The following DPYSL2 variants were observed in gnomAD, a reference collection of about 807,000 sequenced individuals.
DPYSL2 encodes dihydropyrimidinase like 2.
Under a neutral mutation model 69.9 loss-of-function variants are expected in DPYSL2, and 13 were observed. The ratio of observed to expected loss-of-function variants is 0.19; its 90% CI spans 0.12 to 0.30. The LOEUF (loss-of-function observed/expected upper bound fraction) is 0.30, where lower values mean the gene tolerates loss of function less well. Ranked by LOEUF, DPYSL2 falls within the 10% of genes least tolerant of loss-of-function variation. DPYSL2 has a pLI of 1.00. For synonymous variants in DPYSL2, 326 were observed against 359.1 expected (o/e 0.91, Z 1.04); for missense variants, 587 against 918.9 (o/e 0.64, Z 4.67).
In DPYSL2 at chr8:26,598,150, C is replaced by G. The variant is rs1372423690; in HGVS notation, c.628+14167C>G. Among the ~76,000 whole-genome samples the G allele has an allele frequency of 2.6e-5, 4 of 152,188 alleles. No homozygotes were observed. The East Asian group carries it at 7.7e-4, about 29-fold the overall frequency. ...AAATTACATGTATGGGGGAGTAGCC[C>G]CTTCACCCCAGTTTTGCTCCTGACC... On this transcript the variant is annotated intron_variant, in intron 3 of 13. Coordinates refer to ENST00000521913, the MANE Select transcript of DPYSL2 (RefSeq NM_001197293.3). This position sits in a 1 kb window ranked among gnomAD's most constrained non-coding sequence, Gnocchi z 4.2.
rs1801878422 is a variant in DPYSL2, at chr8:26,597,098, C to T, written c.628+13115C>T. Among the ~76,000 whole-genome samples, 1 of 152,228 alleles carries T rather than the reference C, an allele frequency of 6.6e-6. No homozygotes were observed. The highest frequency in any genetic ancestry group is 2.1e-4 in the South Asian group (1 of 4,830). On this transcript the variant is annotated intron_variant, in intron 3 of 13. Coordinates refer to ENST00000521913, the MANE Select transcript of DPYSL2 (RefSeq NM_001197293.3). This position sits in a 1 kb window ranked among gnomAD's most constrained non-coding sequence, Gnocchi z 5.2. ...CTCCTACTAAGTGGGAGGCTGCACC[C>T]AGCATGGAAGATGCTCACCAAGACG...
At chr8:26,546,688 G>A (rs1177774624) in intron 1 of DPYSL2, among the ~76,000 whole-genome samples, 1 of 150,670 alleles carries the variant, frequency 6.6e-6, no homozygotes, top group Non-Finnish European at 1.5e-5. Flanking sequence ...GGGAGGCCGA[G>A]ACGGGTGGAT....
chr8:26,552,494 A>T (rs1349000220), intron 1 of DPYSL2, among the ~76,000 whole-genome samples: 1 of 152,256 alleles, frequency 6.6e-6, no homozygotes, highest in Non-Finnish European at 1.5e-5. Flanking sequence ...CAGTCCATTT[A>T]CTGTTGCTAT....
At position 26,626,597 on chromosome 8, in the gene DPYSL2, C is replaced by G; in HGVS notation, c.794-20C>G. ...TGGTTTATCTATTAAAAGTCCACTTCTCTATTTTGTCCGCACTAGGGGTAA... is the reference window on the plus strand; with the variant it reads ...TGGTTTATCTATTAAAAGTCCACTTGTCTATTTTGTCCGCACTAGGGGTAA... On this transcript the variant is annotated intron_variant, in intron 4 of 13. Transcript: ENST00000521913. This position sits in a 1 kb window ranked among gnomAD's most constrained non-coding sequence, Gnocchi z 4.3. The G allele has an allele frequency of 6.2e-7, 1 of 1,613,054 alleles. No individual in the cohort carries two copies. Among genetic ancestry groups the G allele is most frequent in the Non-Finnish European group, 8.5e-7 (1 of 1,179,352 alleles).
At chr8:26,531,878 C>T (rs143135794) in intron 1 of DPYSL2, among the ~76,000 whole-genome samples, 265 of 149,722 alleles carry the variant, frequency 1.8e-3, no homozygotes, top group African/African-American at 6.0e-3. Context: ...GGCTTGATGG[C>T]GGGTGAGTGG....
intron 3 of DPYSL2, among the ~76,000 whole-genome samples, chr8:26,613,520 G>A (rs1375735442): frequency 2.0e-5 from 3 of 152,242 alleles, no homozygotes; most frequent in Non-Finnish European, 4.4e-5. Flanking sequence ...AGGCCCGCCT[G>A]CTTCAGCTGC....
intron 8 of DPYSL2, among the ~76,000 whole-genome samples, chr8:26,635,247 C>G (rs1239014579): frequency 1.3e-5 from 2 of 152,226 alleles, no homozygotes; most frequent in East Asian, 3.8e-4. Context: ...CCCCAGAATC[C>G]TTGGTCACAT....
Position 26,561,463 on chromosome 8 carries a change from G to C in DPYSL2, c.355-20506G>C, listed in dbSNP as rs1400115205. Among the ~76,000 whole-genome samples, 6 of 151,936 alleles carry C rather than the reference G, an allele frequency of 3.9e-5. No homozygotes were observed. The East Asian group carries it at 1.2e-3, about 29-fold the overall frequency. On this transcript the variant is annotated intron_variant, in intron 1 of 13. Transcript: ENST00000521913. ...CTTGAGTGCCTTATTATTTCCACTT[G>C]GATATCTTAAAGGCATCTCAAATTA... is the stretch of plus-strand genomic sequence containing the variant.
At position 26,643,518 on chromosome 8, in the gene DPYSL2, G is replaced by A. The variant is rs752754362; in HGVS notation, c.1206G>A (p.Lys402=). 3.7e-6 allele frequency: 6 copies of A among 1,613,828 alleles called. No homozygotes were observed. Among genetic ancestry groups the A allele is most frequent in the Non-Finnish European group, 5.1e-6 (6 of 1,179,862 alleles). ...ATTACTGGAGCAAGAACTGGGCCAA[G>A]GCTGCTGCCTTTGTCACCTCCCCAC... ...GSHYWSKNWA[K]AAAFVTSPPL... is the part of the protein sequence containing the mutation. Residue 402 remains lysine, a synonymous_variant, in exon 9 of 14, where the codon AAG becomes AAA. Transcript: ENST00000521913. The surrounding 1 kb of genome is among the most constrained non-coding windows in gnomAD (Gnocchi z 6.5).
intron 1 of DPYSL2, among the ~76,000 whole-genome samples, chr8:26,527,322 A>G (rs1808495865): frequency 6.6e-6 from 1 of 152,130 alleles, no homozygotes; most frequent in African/African-American, 2.4e-5. Context: ...ATATCTTCCT[A>G]CCCTTCATTG....
In DPYSL2 at chr8:26,581,994, G is replaced by C; in HGVS notation, c.380G>C (p.Gly127Ala). Residue 127 changes from glycine to alanine, a missense_variant, in exon 2 of 14, where the codon GGT becomes GCT. This residue lies in a region of DPYSL2 where 452 missense variants were observed against 754.3 expected (regional missense o/e 0.60). Transcript: ENST00000521913. The stretch of plus-strand genomic sequence containing the variant: ...AGCGATCGTCTTCTGATCAAAGGAG[G>C]TAAAATTGTTAATGATGACCAGTCG... The part of the protein sequence containing the change: ...DQSDRLLIKG[G>A]KIVNDDQSFY... 1 of 1,614,002 alleles carries C rather than the reference G, an allele frequency of 6.2e-7. No homozygotes were observed. Among genetic ancestry groups the C allele is most frequent in the Non-Finnish European group, 8.5e-7 (1 of 1,180,000 alleles).
chr8:26,552,872 G>C (rs146303727), intron 1 of DPYSL2, among the ~76,000 whole-genome samples: 1 of 152,112 alleles, frequency 6.6e-6, no homozygotes, highest in African/African-American at 2.4e-5. Context: ...CATGTGAGAA[G>C]GGACAAACAT....
chr8:26,548,225 A>T, intron 1 of DPYSL2: 1 of 226,106 alleles, frequency 4.4e-6, no homozygotes, highest in South Asian at 7.6e-5. Context: ...GCCTCCAAGG[A>T]AATTCATGTA....
rs916777082 is a variant in DPYSL2 at position 26,587,185 on chromosome 8, C to T, written c.628+3202C>T. On this transcript the variant is annotated intron_variant, in intron 3 of 13. Coordinates refer to ENST00000521913, the MANE Select transcript of DPYSL2 (RefSeq NM_001197293.3). This position sits in a 1 kb window ranked among gnomAD's most constrained non-coding sequence, Gnocchi z 4.2. ...AAGGAGGCCTTGCAAAGAGAAATAGCTTAATGCCACTTCATTGGCACCTAA... is the reference window on the plus strand; with the variant it reads ...AAGGAGGCCTTGCAAAGAGAAATAGTTTAATGCCACTTCATTGGCACCTAA... Among the ~76,000 whole-genome samples the T allele has an allele frequency of 2.0e-5, 3 of 152,164 alleles. No homozygotes were observed. Among genetic ancestry groups the T allele is most frequent in the Middle Eastern group, 3.2e-3 (1 of 316 alleles).
intron 3 of DPYSL2, 129 bp downstream of exon 3, chr8:26,584,112 G>A (rs1801545959): frequency 1.2e-6 from 1 of 851,552 alleles, no homozygotes; most frequent in South Asian, 1.8e-5. Flanking sequence ...AAATAAGGGG[G>A]TGAGGATGTG....
chr8:26,578,266 G>T (rs1474857182), intron 1 of DPYSL2: 1 of 1,614,146 alleles, frequency 6.2e-7, no homozygotes, highest in African/African-American at 1.3e-5. Context: ...TGTCTTATCA[G>T]GGGAAGAAAA....
chr8:26,639,724 C>T (rs1032044177), intron 8 of DPYSL2, among the ~76,000 whole-genome samples: 2 of 152,156 alleles, frequency 1.3e-5, no homozygotes, highest in African/African-American at 4.8e-5. Flanking sequence ...ACACACCCAC[C>T]TAGAACCTTG....
chr8:26,575,402 G>A (rs1563392334), intron 1 of DPYSL2, among the ~76,000 whole-genome samples: 2 of 151,818 alleles, frequency 1.3e-5, no homozygotes, highest in South Asian at 2.1e-4. Flanking sequence ...GATTCTCCTC[G>A]GCCCTTTTTT....
rs374452731 is a variant in DPYSL2, at chr8:26,598,878, C to G, written c.628+14895C>G. On this transcript the variant is annotated intron_variant, in intron 3 of 13. Transcript: ENST00000521913. This position sits in a 1 kb window ranked among gnomAD's most constrained non-coding sequence, Gnocchi z 4.2. ...AAAGGGATGTGGCACTCGGGCAGGA[C>G]GGGGGCTGCTTCTGTGCCTTTTCCC... Among the ~76,000 whole-genome samples, 9 of 152,148 alleles carry G rather than the reference C, an allele frequency of 5.9e-5. No homozygotes were observed. The highest frequency in any genetic ancestry group is 2.2e-4 in the African/African-American group (9 of 41,424).
Sources: allele counts gnomAD v4.1 joint callset (sites outside exome capture counted in the v4.1 genomes callset), GRCh38; gene constraint gnomAD v4.1.1; regional missense constraint gnomAD v4.1.1; non-coding constraint Gnocchi (gnomAD v3.1); transcripts MANE v1.5; gene names NCBI Gene and HGNC (gene_info 2026-07-23, HGNC 2026-07-21).